Variants in SLC36A1 observed in about 807,000 individuals in gnomAD.
SLC36A1 encodes proton-coupled amino acid transporter 1.
SLC36A1 carries 30 observed loss-of-function variants against 47.5 expected under a neutral mutation model. The observed-to-expected ratio is 0.63, with a 90% confidence interval of 0.47 to 0.86. The LOEUF is 0.86. Ranked by LOEUF, SLC36A1 falls within the 40% of genes least tolerant of loss-of-function variation. The pLI is 0.00. For synonymous variants in SLC36A1, 255 were observed against 249.7 expected, an observed-to-expected ratio of 1.02 and a Z score of -0.20; for missense variants, 517 against 606.0, an observed-to-expected ratio of 0.85 and a Z score of 1.54.
At chr5:151,391,753 C>G in the SLC36A1 span, among the ~76,000 whole-genome samples, 6 of 152,074 alleles carry the variant, frequency 3.9e-5, no homozygotes, top group Admixed American at 6.6e-5. Flanking sequence ...GGATGAAGCC[C>G]ACTTGATCAT....
the SLC36A1 span, chr5:151,545,502 C>A: frequency 6.2e-7 from 1 of 1,614,180 alleles, no homozygotes; most frequent in Non-Finnish European, 8.5e-7. Context: ...CCTCATATAT[C>A]TGTTCTGAGA....
chr5:151,541,280 C>T, the SLC36A1 span, among the ~76,000 whole-genome samples: 1 of 152,202 alleles, frequency 6.6e-6, no homozygotes, highest in South Asian at 2.1e-4. Flanking sequence ...ATATGGATTT[C>T]TCACTCTGAG....
At chr5:151,459,909 T>G (rs763430367) in intron 2 of SLC36A1, 1 of 152,276 alleles carries the variant, frequency 6.6e-6, no homozygotes, top group Non-Finnish European at 1.5e-5. Context: ...ACTAGAAGAA[T>G]GTCTGTCCAC....
Position 151,488,260 on chromosome 5 carries a change from T to C in SLC36A1, c.*6T>C. 2 of 1,613,176 alleles carry C rather than the reference T, an allele frequency of 1.2e-6. No individual in the cohort carries two copies. Among genetic ancestry groups the C allele is most frequent in the Non-Finnish European group, 1.7e-6 (2 of 1,179,346 alleles). ...CCACCTGTGCCTTCATATAGGGATC[T>C]GGGTTCGTCTCTGCAGCTGCCTACC... On this transcript the variant is annotated 3_prime_UTR_variant, in exon 11 of 11. Coordinates refer to ENST00000243389, the MANE Select transcript of SLC36A1 (RefSeq NM_078483.4).
chr5:151,505,874 G>A, the SLC36A1 span: 1 of 1,606,018 alleles, frequency 6.2e-7, no homozygotes, highest in Non-Finnish European at 8.5e-7. Context: ...GATCTTCCAG[G>A]TTCTGGTTGC....
intron 8 of SLC36A1, among the ~76,000 whole-genome samples, chr5:151,475,810 A>G (rs1271735283): frequency 6.6e-6 from 1 of 152,238 alleles, no homozygotes; most frequent in African/African-American, 2.4e-5. Flanking sequence ...TGGCACAGCT[A>G]GACATTGCCC....
chr5:151,518,374 A>AATAATAATTATTATTATTATT, the SLC36A1 span, among the ~76,000 whole-genome samples: 1 of 147,396 alleles, frequency 6.8e-6, no homozygotes, highest in Non-Finnish European at 1.5e-5. Context: ...TAATAATAAT[A>AATAATAATTATTATTATTATT]ATTTTTAAAA....
chr5:151,387,780 A>ACC, the SLC36A1 span, among the ~76,000 whole-genome samples: 1 of 152,192 alleles, frequency 6.6e-6, no homozygotes, highest in Admixed American at 6.5e-5. Context: ...CTGCCATTTA[A>ACC]GGACTCTTTG....
At chr5:151,419,519 C>T in the SLC36A1 span, among the ~76,000 whole-genome samples, 2 of 152,196 alleles carry the variant, frequency 1.3e-5, no homozygotes, top group Admixed American at 6.5e-5. Flanking sequence ...TTAATTTGCC[C>T]CCAGAAGCTG....
intron 1 of SLC36A1, among the ~76,000 whole-genome samples, chr5:151,448,293 A>C (rs1040363824): frequency 2.6e-5 from 4 of 152,156 alleles, no homozygotes; most frequent in Non-Finnish European, 5.9e-5. Context: ...CTAGAATGCA[A>C]ATGTTCCTAA....
In SLC36A1 at chr5:151,472,557, T is replaced by C. The variant is rs527668385; in HGVS notation, c.724-1116T>C. Among the ~76,000 whole-genome samples, 4 of 152,330 alleles carry C rather than the reference T, an allele frequency of 2.6e-5. No individual in the cohort carries two copies. The East Asian group carries it at 7.7e-4, about 29-fold the overall frequency. On this transcript the variant is annotated intron_variant, in intron 7 of 10. Coordinates refer to ENST00000243389, the MANE Select transcript of SLC36A1 (RefSeq NM_078483.4). ...ACCTGCAGTTAACAGTTGCCCTTTTTCTGGCCCATTTTTTAAAGCATTCTT... is the reference window on the plus strand; with the variant it reads ...ACCTGCAGTTAACAGTTGCCCTTTTCCTGGCCCATTTTTTAAAGCATTCTT...
chr5:151,407,800 T>C, the SLC36A1 span, among the ~76,000 whole-genome samples: 1 of 152,208 alleles, frequency 6.6e-6, no homozygotes, highest in African/African-American at 2.4e-5. Context: ...TGACCAGAGA[T>C]GCTTAGGAAA....
the SLC36A1 span, among the ~76,000 whole-genome samples, chr5:151,393,060 G>T: frequency 6.6e-6 from 1 of 151,592 alleles, no homozygotes; most frequent in Non-Finnish European, 1.5e-5. Flanking sequence ...GGTCTCTAAG[G>T]ACTTGCTTTA....
chr5:151,459,493 G>A (rs942651625), intron 2 of SLC36A1, among the ~76,000 whole-genome samples: 4 of 152,182 alleles, frequency 2.6e-5, no homozygotes, highest in African/African-American at 9.7e-5. Context: ...CCCGCTTCAG[G>A]TCTCACTTTC....
chr5:151,549,331 C>T, the SLC36A1 span: 2 of 1,613,610 alleles, frequency 1.2e-6, no homozygotes, highest in African/African-American at 1.3e-5. Context: ...GCATTGACTC[C>T]CCGGTCAGCA....
At chr5:151,551,893 A>G in the SLC36A1 span, among the ~76,000 whole-genome samples, 3 of 152,146 alleles carry the variant, frequency 2.0e-5, no homozygotes, top group African/African-American at 7.2e-5. Context: ...AGTATATAGA[A>G]ATATGTTTAG....
intron 10 of SLC36A1, among the ~76,000 whole-genome samples, chr5:151,481,000 T>C (rs1297600528): frequency 6.6e-6 from 1 of 152,184 alleles, no homozygotes; most frequent in Non-Finnish European, 1.5e-5. Flanking sequence ...CTGACTCCTC[T>C]CCCTGCCCAA....
At chr5:151,458,261 T>C (rs1754891812) in intron 1 of SLC36A1, among the ~76,000 whole-genome samples, 1 of 150,478 alleles carries the variant, frequency 6.6e-6, no homozygotes, top group African/African-American at 2.5e-5. Flanking sequence ...TATATATATA[T>C]ACGTGTGTAT....
chr5:151,452,713 A>G (rs1297724854), intron 1 of SLC36A1, among the ~76,000 whole-genome samples: 1 of 151,850 alleles, frequency 6.6e-6, no homozygotes, highest in African/African-American at 2.4e-5. Flanking sequence ...TACTAAAAAC[A>G]CAAAAAATTA....
Sources: gnomAD v4.1 joint callset for allele counts (sites outside exome capture counted in the v4.1 genomes callset) on GRCh38, gnomAD v4.1.1 for gene constraint, MANE v1.5 for transcripts, NCBI Gene and HGNC (gene_info 2026-07-23, HGNC 2026-07-21) for gene names.